SPAG17: variants seen among roughly 807,000 people sequenced by gnomAD.
SPAG17 encodes sperm-associated antigen 17.
In SPAG17, 169 loss-of-function variants were observed where a neutral mutation model predicts 273.6. The ratio of observed to expected loss-of-function variants is 0.62; its 90% confidence interval spans 0.55 to 0.70. The LOEUF (loss-of-function observed/expected upper bound fraction) is 0.70. SPAG17 is among the 30% of genes least tolerant of loss of function. The probability of loss-of-function intolerance (pLI) is 0.00; values close to 1 mark genes in which losing one functional copy is unlikely to be tolerated. For synonymous variants in SPAG17, 825 were observed against 873.2 expected (o/e 0.94, Z 0.97); for missense variants, 2,557 against 2,627.8 (o/e 0.97, Z 0.59).
At chr1:118,016,433 C>T (rs1433316808) in intron 28 of SPAG17, among the ~76,000 whole-genome samples, 2 of 152,148 alleles carry the variant, frequency 1.3e-5, no homozygotes, top group Non-Finnish European at 2.9e-5. Context: ...TTACACAGCT[C>T]ACTGTCTAGG....
At chr1:118,110,040 G>A (rs1259412202) in intron 4 of SPAG17, among the ~76,000 whole-genome samples, 1 of 152,072 alleles carries the variant, frequency 6.6e-6, no homozygotes, top group Non-Finnish European at 1.5e-5. Flanking sequence ...GGCTCACTTT[G>A]AACATACAAG....
At chr1:118,106,346 A>AGAAAACTGAGTCTTAGTGAG (rs1656397323) in intron 4 of SPAG17, among the ~76,000 whole-genome samples, 2 of 152,200 alleles carry the variant, frequency 1.3e-5, no homozygotes, top group Non-Finnish European at 2.9e-5. Context: ...TTTACGGAGG[A>AGAAAACTGAGTCTTAGTGAG]GAAAACTGAG....
chr1:118,018,162 T>C (rs1660153907), intron 28 of SPAG17, among the ~76,000 whole-genome samples: 1 of 152,172 alleles, frequency 6.6e-6, no homozygotes, highest in Admixed American at 6.5e-5. Flanking sequence ...TTCTTAGCAT[T>C]GTGGGACTTA....
At chr1:117,956,859 A>G (rs148942313) in intron 48 of SPAG17, among the ~76,000 whole-genome samples, 152 of 152,330 alleles carry the variant, frequency 1.0e-3, no homozygotes, top group Admixed American at 2.5e-3. Context: ...CCATCATGCC[A>G]TTGACCAAAA....
At chr1:117,957,764 G>A (rs1216533543) in intron 48 of SPAG17, among the ~76,000 whole-genome samples, 1 of 152,192 alleles carries the variant, frequency 6.6e-6, no homozygotes, top group Non-Finnish European at 1.5e-5. Context: ...GGTTCTTCCA[G>A]TGTGGCCCAG....
intron 3 of SPAG17, among the ~76,000 whole-genome samples, chr1:118,122,956 C>T (rs1405490848): frequency 6.6e-6 from 1 of 152,094 alleles, no homozygotes; most frequent in Non-Finnish European, 1.5e-5. Context: ...ACCTGGCTAC[C>T]CCTTTTATTT....
intron 4 of SPAG17, among the ~76,000 whole-genome samples, chr1:118,103,310 C>A (rs1656187198): frequency 6.6e-6 from 1 of 152,134 alleles, no homozygotes; most frequent in Non-Finnish European, 1.5e-5. Context: ...CCCAATGACA[C>A]AAATGCGGTA....
At chr1:118,069,764 C>A (rs1653387169) in intron 17 of SPAG17, among the ~76,000 whole-genome samples, 1 of 152,152 alleles carries the variant, frequency 6.6e-6, no homozygotes, top group Admixed American at 6.5e-5. Flanking sequence ...TTCCTGGAGG[C>A]TCCAGAGCCT....
At chr1:118,120,727 T>C (rs894185137) in intron 3 of SPAG17, among the ~76,000 whole-genome samples, 1 of 152,190 alleles carries the variant, frequency 6.6e-6, no homozygotes, top group Non-Finnish European at 1.5e-5. Context: ...CAGAATTTGC[T>C]TCTGGCTCCT....
intron 3 of SPAG17, among the ~76,000 whole-genome samples, chr1:118,147,058 T>A (rs1323082927): frequency 6.6e-6 from 1 of 152,212 alleles, no homozygotes; most frequent in Non-Finnish European, 1.5e-5. Flanking sequence ...TTCTGCATTG[T>A]GTTATTCACT....
At chr1:118,115,521 G>A in intron 3 of SPAG17, 80 bp from the exon 4 acceptor site, 4 of 1,364,398 alleles carry the variant, frequency 2.9e-6, no homozygotes, top group Non-Finnish European at 3.9e-6. Flanking sequence ...AAGATGAAAG[G>A]AAATTTTATA....
chr1:118,016,684 G>A (rs1179479056), intron 28 of SPAG17, among the ~76,000 whole-genome samples: 3 of 152,150 alleles, frequency 2.0e-5, no homozygotes, highest in Non-Finnish European at 4.4e-5. Flanking sequence ...CTTCAACCCT[G>A]GATCTGGGAA....
intron 31 of SPAG17, among the ~76,000 whole-genome samples, chr1:118,006,260 G>C (rs1371287735): frequency 1.3e-5 from 2 of 152,150 alleles, no homozygotes; most frequent in African/African-American, 4.8e-5. Context: ...AATCTTTCTG[G>C]ATCACTAGGC....
At chr1:118,135,827 C>T (rs1273905462) in intron 3 of SPAG17, among the ~76,000 whole-genome samples, 2 of 152,194 alleles carry the variant, frequency 1.3e-5, no homozygotes, top group Non-Finnish European at 1.5e-5. Context: ...TTCCAGGTCT[C>T]GCTCTTTAGT....
At chr1:118,039,267 A>G (rs774057907) in intron 23 of SPAG17, 25 bp downstream of exon 23, 2 of 1,607,016 alleles carry the variant, frequency 1.2e-6, no homozygotes, top group Non-Finnish European at 8.5e-7. Flanking sequence ...AGTCAGAAGA[A>G]AGAAACCACT....
chr1:118,092,664 T>G (rs1655454815), intron 8 of SPAG17, among the ~76,000 whole-genome samples: 2 of 152,230 alleles, frequency 1.3e-5, no homozygotes, highest in Admixed American at 1.3e-4. Flanking sequence ...CTTCCCTCTC[T>G]TTGCTCTACT....
chr1:118,172,120 G>T (rs2102395087), intron 1 of SPAG17, among the ~76,000 whole-genome samples: 1 of 152,238 alleles, frequency 6.6e-6, no homozygotes, highest in East Asian at 1.9e-4. Flanking sequence ...CACTGAGAAT[G>T]AAAATACAGA....
chr1:118,125,604 A>G (rs758555596), intron 3 of SPAG17, among the ~76,000 whole-genome samples: 25 of 152,210 alleles, frequency 1.6e-4, no homozygotes, highest in Non-Finnish European at 3.1e-4. Flanking sequence ...TTAGCTCCAC[A>G]TATGAGTAAG....
At chr1:117,954,590 C>T in intron 48 of SPAG17, 1 of 1,612,438 alleles carries the variant, frequency 6.2e-7, no homozygotes, top group Non-Finnish European at 8.5e-7. Flanking sequence ...GTTCCACTTC[C>T]CAGCAACCCC....
Sources: gnomAD v4.1 joint callset for allele counts (sites outside exome capture counted in the v4.1 genomes callset) on GRCh38, gnomAD v4.1.1 for gene constraint, MANE v1.5 for transcripts, NCBI Gene and HGNC (gene_info 2026-07-23, HGNC 2026-07-21) for gene names.